Variants in MGAT4C observed in about 807,000 individuals in gnomAD.
The protein encoded by MGAT4C is MGAT4 family member C, also known as alpha-1,3-mannosyl-glycoprotein 4-beta-N-acetylglucosaminyltransferase C.
In MGAT4C, 19 loss-of-function variants were observed where a neutral mutation model predicts 40.1. The ratio of observed to expected loss-of-function variants is 0.47; its 90% CI spans 0.33 to 0.70. The LOEUF (loss-of-function observed/expected upper bound fraction) is 0.70, where lower values mean the gene tolerates loss of function less well. Among genes scored for constraint, MGAT4C ranks in the 30% least tolerant of loss-of-function variants. The pLI, the probability that MGAT4C is intolerant of heterozygous loss-of-function variation, is 0.02. For missense variants in MGAT4C, 491 were observed against 563.2 expected (o/e 0.87, Z 1.30); for synonymous variants, 181 against 187.1 (o/e 0.97, Z 0.27).
At chr12:86,799,405 A>C (rs1408174801) in intron 1 of MGAT4C, among the ~76,000 whole-genome samples, 1 of 151,920 alleles carries the variant, frequency 6.6e-6, no homozygotes, top group Admixed American at 6.6e-5. Flanking sequence ...TCTCAGTTTT[A>C]GGAAGAATAT....
rs577833772 is a variant in MGAT4C at position 85,959,295 on chromosome 12, C to T, written c.*19994G>A. 58 of 152,094 alleles carry T rather than the reference C, an allele frequency of 3.8e-4. No individual in the cohort carries two copies. The highest frequency in any genetic ancestry group is 1.4e-3 in the African/African-American group (57 of 41,516). The allele number at this position is 152,094 out of a possible 1,614,324, so 9.4% of individuals were successfully genotyped here. On this transcript the variant is annotated 3_prime_UTR_variant, in exon 5 of 5. Transcript: ENST00000611864. The stretch of plus-strand genomic sequence containing the variant: ...TCATGAAGACTAGAAGATTTACACT[C>T]ATAAGATCATGTAAATTTATTTGGA...
At chr12:86,477,932 C>G (rs930983206) in intron 2 of MGAT4C, among the ~76,000 whole-genome samples, 1 of 152,096 alleles carries the variant, frequency 6.6e-6, no homozygotes, top group Admixed American at 6.6e-5. Flanking sequence ...ATGTATAAAA[C>G]AGTCTTCGAA....
At chr12:86,020,336 G>C (rs1055744236) in intron 2 of MGAT4C, among the ~76,000 whole-genome samples, 16 of 151,862 alleles carry the variant, frequency 1.1e-4, no homozygotes, top group African/African-American at 3.9e-4. Context: ...GTTTGTCATA[G>C]ATAGCTCTTA....
intron 2 of MGAT4C, among the ~76,000 whole-genome samples, chr12:86,458,650 A>C (rs1196329667): frequency 6.6e-6 from 1 of 152,238 alleles, no homozygotes; most frequent in African/African-American, 2.4e-5. Context: ...AAACATAAGC[A>C]GTTATAACCT....
chr12:86,413,521 T>C (rs1033892211), intron 3 of MGAT4C, among the ~76,000 whole-genome samples: 2 of 152,194 alleles, frequency 1.3e-5, no homozygotes, highest in African/African-American at 4.8e-5. Flanking sequence ...TCAAGATATA[T>C]GAATGGTAGA....
chr12:86,343,952 T>A (rs1954960477), intron 3 of MGAT4C, among the ~76,000 whole-genome samples: 1 of 152,174 alleles, frequency 6.6e-6, no homozygotes, highest in South Asian at 2.1e-4. Context: ...AAACAATGAA[T>A]CCACACAGAG....
rs867364269 is a variant in MGAT4C at position 86,586,964 on chromosome 12, T to C, written c.-229+140245A>G. Among the ~76,000 whole-genome samples, 872 of 152,064 alleles carry C rather than the reference T, an allele frequency of 5.7e-3. 4 individuals are homozygous for C. The highest frequency in any genetic ancestry group is 0.019 in the African/African-American group (806 of 41,528). On this transcript the variant is annotated intron_variant, in intron 2 of 7. Coordinates refer to the MGAT4C transcript ENST00000548651. The stretch of plus-strand genomic sequence containing the variant: ...AGAAGCTCTTTAGTTTAATTAGATC[T>C]CATTTGTCAATGTTGGCTTTTGTTG...
At position 85,961,477 on chromosome 12, in the gene MGAT4C, T is replaced by C. The variant is rs918249561; in HGVS notation, c.*17812A>G. On this transcript the variant is annotated 3_prime_UTR_variant, in exon 5 of 5. Transcript: ENST00000611864. ...GTTATAATCAAGATAATTATGTATA[T>C]ATATAAAATTATATATGGTATAGTT... The C allele has an allele frequency of 1.3e-5, 2 of 151,706 alleles. No homozygotes were observed. Among genetic ancestry groups the C allele is most frequent in the Non-Finnish European group, 3.0e-5 (2 of 67,746 alleles). 9.4% of individuals were successfully genotyped at this position (151,706 alleles called of 1,614,324 possible). A position where few individuals can be genotyped will look rare whatever the true frequency, so the allele number is the denominator to read the frequency against.
intron 4 of MGAT4C, among the ~76,000 whole-genome samples, chr12:86,316,503 G>A (rs1954235413): frequency 2.0e-5 from 3 of 152,050 alleles, no homozygotes. Flanking sequence ...AAGAAAATGT[G>A]GTACACATAC....
At chr12:86,798,159 A>G (rs1205548978) in intron 1 of MGAT4C, among the ~76,000 whole-genome samples, 1 of 151,926 alleles carries the variant, frequency 6.6e-6, no homozygotes, top group Non-Finnish European at 1.5e-5. Flanking sequence ...TGACACGTGA[A>G]GCCATCACAG....
In MGAT4C at chr12:86,049,657, A is replaced by G; in HGVS notation, c.-7+17T>C. ...GTAGTACCTTAGAATACTACCATGA[A>G]TGACATAGAATCTCACCTTAAGAAA... On this transcript the variant is annotated intron_variant, in intron 2 of 4. Coordinates refer to ENST00000611864, the MANE Select transcript of MGAT4C (RefSeq NM_001351288.2). 1.0e-6 allele frequency: 1 copy of G among 974,936 alleles called. No homozygotes were observed. The highest frequency in any genetic ancestry group is 1.2e-6 in the Non-Finnish European group (1 of 820,090). The allele number at this position is 974,936 out of a possible 1,614,324, so 60.4% of individuals were successfully genotyped here. A position where few individuals can be genotyped will look rare whatever the true frequency, so the allele number is the denominator to read the frequency against.
intron 3 of MGAT4C, among the ~76,000 whole-genome samples, chr12:85,989,191 T>C (rs973229673): frequency 2.6e-5 from 4 of 152,030 alleles, no homozygotes; most frequent in African/African-American, 9.7e-5. Context: ...GCACAAAATA[T>C]ACACCATTAA....
intron 2 of MGAT4C, among the ~76,000 whole-genome samples, chr12:86,661,546 A>G (rs999101347): frequency 6.6e-6 from 1 of 152,190 alleles, no homozygotes; most frequent in Admixed American, 6.5e-5. Flanking sequence ...ATGAGAATAG[A>G]AAACATTAGT....
chr12:86,329,953 C>T (rs1038921283), intron 4 of MGAT4C, among the ~76,000 whole-genome samples: 1 of 152,134 alleles, frequency 6.6e-6, no homozygotes, highest in South Asian at 2.1e-4. Context: ...TTTCTTTAAA[C>T]TATTTCAAAA....
At chr12:86,212,233 T>A (rs577843128) in intron 1 of MGAT4C, among the ~76,000 whole-genome samples, 1 of 152,276 alleles carries the variant, frequency 6.6e-6, no homozygotes, top group South Asian at 2.1e-4. Context: ...CCAAATTACC[T>A]ATGAAGCAAC....
chr12:86,544,177 A>T (rs1261733845), intron 2 of MGAT4C, among the ~76,000 whole-genome samples: 2 of 152,178 alleles, frequency 1.3e-5, no homozygotes, highest in Non-Finnish European at 2.9e-5. Context: ...TTAGAACAAG[A>T]TCTGAATTGT....
chr12:86,753,264 G>GA (rs1951252148), intron 1 of MGAT4C, among the ~76,000 whole-genome samples: 1 of 152,118 alleles, frequency 6.6e-6, no homozygotes, highest in South Asian at 2.1e-4. Flanking sequence ...GCCCAGGGTG[G>GA]AAAACCGCTT....
At chr12:86,549,202 A>T (rs922800172) in intron 2 of MGAT4C, among the ~76,000 whole-genome samples, 2 of 152,194 alleles carry the variant, frequency 1.3e-5, no homozygotes, top group South Asian at 2.1e-4. Flanking sequence ...TAAGAGTACT[A>T]TCATAAGATT....
chr12:85,993,880 G>A (rs1281656299), intron 2 of MGAT4C, among the ~76,000 whole-genome samples: 3 of 152,206 alleles, frequency 2.0e-5, no homozygotes, highest in South Asian at 2.1e-4. Flanking sequence ...ACAGCAGGAG[G>A]AGGCCAGGTA....
Sources: gnomAD v4.1 joint callset for allele counts (sites outside exome capture counted in the v4.1 genomes callset) on GRCh38, gnomAD v4.1.1 for gene constraint, MANE v1.5 for transcripts, NCBI Gene and HGNC (gene_info 2026-07-23, HGNC 2026-07-21) for gene names.